ZNF518B: variants seen among roughly 807,000 people sequenced by gnomAD.
ZNF518B encodes zinc finger protein 518B.
ZNF518B carries 23 observed loss-of-function variants against 56.3 expected under a neutral mutation model. That is an observed-to-expected ratio of 0.41 (90% CI 0.29 to 0.58). The LOEUF (loss-of-function observed/expected upper bound fraction) is 0.58. Among genes scored for constraint, ZNF518B ranks in the 20% least tolerant of loss-of-function variants. The pLI is 0.32. For missense variants in ZNF518B, 1,460 were observed against 1,272.1 expected (o/e 1.15, Z -2.25); for synonymous variants, 529 against 465.9 (o/e 1.14, Z -1.74).
upstream of ZNF518B, among the ~76,000 whole-genome samples, chr4:10,460,466 T>C (rs927411937): frequency 6.6e-6 from 1 of 151,842 alleles, no homozygotes; most frequent in African/African-American, 2.4e-5. Context: ...ACAAATGCAA[T>C]GACGGGGACT....
At chr4:10,452,212 A>C (rs1214851913) in intron 2 of ZNF518B, 1 of 152,190 alleles carries the variant, frequency 6.6e-6, no homozygotes, top group East Asian at 1.9e-4. Flanking sequence ...TCCAACTCTG[A>C]TCCTGTCCCT....
Position 10,442,848 on chromosome 4 carries a change from G to T in ZNF518B, c.*256C>A. The T allele has an allele frequency of 2.4e-6, 1 of 421,032 alleles. No homozygotes were observed. Among genetic ancestry groups the T allele is most frequent in the Non-Finnish European group, 4.2e-6 (1 of 236,580 alleles). 26.1% of individuals were successfully genotyped at this position (421,032 alleles called of 1,614,324 possible). On this transcript the variant is annotated 3_prime_UTR_variant, in exon 3 of 3. Transcript: ENST00000326756. ...AAGTCTCAGATCCCACTGAAAATCTGTTCAGTTTCACAGGCTCTCTCCAGA... is the reference window on the plus strand; with the variant it reads ...AAGTCTCAGATCCCACTGAAAATCTTTTCAGTTTCACAGGCTCTCTCCAGA...
chr4:10,456,854 G>A (rs973494067), intron 1 of ZNF518B, among the ~76,000 whole-genome samples: 2 of 152,136 alleles, frequency 1.3e-5, no homozygotes, highest in African/African-American at 2.4e-5. Flanking sequence ...GGAGCCCTCG[G>A]AGGAGGCATC....
intron 1 of ZNF518B, among the ~76,000 whole-genome samples, chr4:10,456,087 C>T (rs1001349084): frequency 2.0e-5 from 3 of 152,080 alleles, no homozygotes; most frequent in Non-Finnish European, 4.4e-5. Context: ...TGTCTTAATT[C>T]TTGGTGATTT....
At chr4:10,457,430 C>T (rs1380421822), upstream of ZNF518B, 9 of 152,138 alleles carry the variant, frequency 5.9e-5, no homozygotes, top group African/African-American at 1.9e-4. Context: ...GGAGCCCGCG[C>T]CAGCCCCGCG....
chr4:10,448,960 T>A (rs1453917797), intron 2 of ZNF518B, among the ~76,000 whole-genome samples: 9 of 152,126 alleles, frequency 5.9e-5, no homozygotes, highest in Admixed American at 3.3e-4. Context: ...TACCTGCATC[T>A]CTATTATCTA....
At chr4:10,459,781 C>A (rs968638328), upstream of ZNF518B, among the ~76,000 whole-genome samples, 10 of 152,258 alleles carry the variant, frequency 6.6e-5, no homozygotes, top group African/African-American at 2.4e-4. Flanking sequence ...GGAGGATCCT[C>A]CCCTAGAGGG....
In ZNF518B at chr4:10,457,347, G is replaced by C. The variant is rs920557983; in HGVS notation, c.-426C>G. On this transcript the variant is annotated 5_prime_UTR_variant, in exon 1 of 3. Transcript: ENST00000326756. ...AGGCCGGATTCGGGTGCCAGGTCCC[G>C]GCGAAGGGGCGTCTACACCGCCGGC... 4.0e-5 allele frequency: 6 copies of C among 151,858 alleles called. No homozygotes were observed. The South Asian group carries it at 1.2e-3, about 31-fold the overall frequency. The allele number at this position is 151,858 out of a possible 1,614,324, so 9.4% of individuals were successfully genotyped here.
chr4:10,453,720 A>C (rs548212236), intron 2 of ZNF518B: 1 of 152,222 alleles, frequency 6.6e-6, no homozygotes, highest in South Asian at 2.1e-4. Flanking sequence ...AATGAGACGT[A>C]TATTTTCACA....
intron 1 of ZNF518B, among the ~76,000 whole-genome samples, chr4:10,456,687 C>A (rs982555229): frequency 2.6e-5 from 4 of 152,194 alleles, no homozygotes; most frequent in Non-Finnish European, 4.4e-5. Context: ...GTGCATCGGG[C>A]GCATCGTCGT....
chr4:10,446,351 G>A lies in ZNF518B; in HGVS notation c.-23C>T. ...CATCTTATCTGCATTTCTAAAAAGAGCCAACTAAAATTCAGAAAGTTTTCA... is the reference window on the plus strand; with the variant it reads ...CATCTTATCTGCATTTCTAAAAAGAACCAACTAAAATTCAGAAAGTTTTCA... On this transcript the variant is annotated 5_prime_UTR_variant, in exon 3 of 3. Transcript: ENST00000326756. The A allele has an allele frequency of 6.4e-7, 1 of 1,552,562 alleles. No individual in the cohort carries two copies. The highest frequency in any genetic ancestry group is 8.7e-7 in the Non-Finnish European group (1 of 1,146,646).
rs1314352574 is a variant in ZNF518B at position 10,443,888 on chromosome 4, C to T, written c.2441G>A (p.Cys814Tyr). Residue 814 changes from cysteine to tyrosine, a missense_variant, in exon 3 of 3, where the codon TGC becomes TAC. Cys to Tyr is a radical substitution (Grantham distance 194). Transcript: ENST00000326756. Reference protein sequence around the residue: ...ERQLIKPVPFCPVRQADSDLQ... With the variant: ...ERQLIKPVPFYPVRQADSDLQ... ...GTCTGAGTCCGCCTGTCTCACAGGGCAAAATGGAACTGGTTTTATTAACTG... is the reference window on the plus strand; with the variant it reads ...GTCTGAGTCCGCCTGTCTCACAGGGTAAAATGGAACTGGTTTTATTAACTG... The T allele has an allele frequency of 5.0e-6, 8 of 1,614,056 alleles. No homozygotes were observed. The South Asian group carries it at 5.5e-5, about 11-fold the overall frequency.
rs531985293 is a variant in ZNF518B at position 10,441,509 on chromosome 4, T to A, written c.*1595A>T. 1 of 151,288 alleles carries A rather than the reference T, an allele frequency of 6.6e-6. No homozygotes were observed. Among genetic ancestry groups the A allele is most frequent in the East Asian group, 2.0e-4 (1 of 5,120 alleles). The allele number at this position is 151,288 out of a possible 1,614,324, so 9.4% of individuals were successfully genotyped here. ...AACAATCACTGGTGTCTTTTTCAGGTGCAACAACTCTTTAGTTTCATTCAC... is the reference window on the plus strand; with the variant it reads ...AACAATCACTGGTGTCTTTTTCAGGAGCAACAACTCTTTAGTTTCATTCAC... On this transcript the variant is annotated 3_prime_UTR_variant, in exon 3 of 3. Coordinates refer to ENST00000326756, the MANE Select transcript of ZNF518B (RefSeq NM_053042.3).
chr4:10,460,304 C>CAAAAAAAA (rs1210892613), upstream of ZNF518B, among the ~76,000 whole-genome samples: 1 of 8,804 alleles, frequency 1.1e-4, no homozygotes, highest in Non-Finnish European at 1.6e-4. Flanking sequence ...GACTCTGTCT[C>CAAAAAAAA]AAAAAAAAAA....
In ZNF518B at chr4:10,445,960, G is replaced by C. The variant is rs779350978; in HGVS notation, c.369C>G (p.Ser123Arg). ...GCTTAAAGTTCCTTACCTTAAATTT[G>C]CTATTGACAGAACTTGAGAAGTTTT... ...KTENFSSSVNSKFKVRNFKPG... is the reference protein window; with the variant it reads ...KTENFSSSVNRKFKVRNFKPG... The change falls in exon 3 of 3, where the codon AGC (serine) becomes AGG (arginine). Residue 123 changes from serine (S) to arginine (R), a missense_variant. By Grantham distance (110) the Ser-to-Arg change is moderately radical. Coordinates refer to ENST00000326756, the MANE Select transcript of ZNF518B (RefSeq NM_053042.3). 6.2e-7 allele frequency: 1 copy of C among 1,614,124 alleles called. No individual in the cohort carries two copies. The highest frequency in any genetic ancestry group is 8.5e-7 in the Non-Finnish European group (1 of 1,180,034).
intron 2 of ZNF518B, among the ~76,000 whole-genome samples, chr4:10,447,977 G>C (rs1715144534): frequency 6.6e-6 from 1 of 152,136 alleles, no homozygotes; most frequent in Non-Finnish European, 1.5e-5. Flanking sequence ...AATCTTTAAA[G>C]ACACTTATTT....
chr4:10,448,937 T>G lies in ZNF518B; in HGVS notation c.-211-2398A>C, dbSNP rs78020008. On this transcript the variant is annotated intron_variant, in intron 2 of 2. Coordinates refer to ENST00000326756, the MANE Select transcript of ZNF518B (RefSeq NM_053042.3). ...GATTTCTGCTGCTCATCAAGTGACC[T>G]CAAGCAAGAACTTACCTGCATCTCT... is the stretch of plus-strand genomic sequence containing the variant. Among the ~76,000 whole-genome samples, 1,168 of 152,266 alleles carry G rather than the reference T, an allele frequency of 7.7e-3. 13 individuals carry two copies. Among genetic ancestry groups the G allele is most frequent in the African/African-American group, 0.027 (1,110 of 41,544 alleles).
In ZNF518B at chr4:10,441,179, TCTA is replaced by T. The variant is rs1714659194; in HGVS notation, c.*1922_*1924del. On this transcript the variant is annotated 3_prime_UTR_variant, in exon 3 of 3. Coordinates refer to ENST00000326756, the MANE Select transcript of ZNF518B (RefSeq NM_053042.3). The stretch of plus-strand genomic sequence containing the variant: ...ATAAATTTCTAGAATATAAAAACGT[TCTA>T]CATTTTTCCAGCCCATGTATCATTA... 1 of 152,572 alleles carries T rather than the reference TCTA, an allele frequency of 6.6e-6. No individual in the cohort carries two copies. The highest frequency in any genetic ancestry group is 2.4e-5 in the African/African-American group (1 of 41,442). The allele number at this position is 152,572 out of a possible 1,614,324, so 9.5% of individuals were successfully genotyped here. A position where few individuals can be genotyped will look rare whatever the true frequency, so the allele number is the denominator to read the frequency against.
rs567056389 is a variant in ZNF518B at position 10,439,982 on chromosome 4, A to C, written c.*3122T>G. 8.5e-5 allele frequency: 13 copies of C among 152,746 alleles called. No individual in the cohort carries two copies. The highest frequency in any genetic ancestry group is 2.9e-4 in the African/African-American group (12 of 41,586). The allele number at this position is 152,746 out of a possible 1,614,324, so 9.5% of individuals were successfully genotyped here. ...TCAAAACCAGAGCAGCAGACACACA[A>C]ACTGTTAACACAGGAATTACAATAA... On this transcript the variant is annotated 3_prime_UTR_variant, in exon 3 of 3. Transcript: ENST00000326756.
Sources: gnomAD v4.1 joint callset for allele counts (sites outside exome capture counted in the v4.1 genomes callset) on GRCh38, gnomAD v4.1.1 for gene constraint, MANE v1.5 for transcripts, NCBI Gene and HGNC (gene_info 2026-07-23, HGNC 2026-07-21) for gene names.